MOGAT2: variants seen among roughly 807,000 people sequenced by gnomAD.
The protein encoded by MOGAT2 is 2-acylglycerol O-acyltransferase 2.
In MOGAT2, 27 loss-of-function variants were observed where a neutral mutation model predicts 31.5. The observed-to-expected ratio is 0.86, with a 90% CI of 0.63 to 1.18. The LOEUF is 1.18. MOGAT2 is among the 50% of genes most tolerant of loss of function. The probability of loss-of-function intolerance (pLI) is 0.00; values close to 1 mark genes in which losing one functional copy is unlikely to be tolerated. For missense variants in MOGAT2, 436 were observed against 433.2 expected, an observed-to-expected ratio of 1.01 and a Z score of -0.06; for synonymous variants, 163 against 170.0, an observed-to-expected ratio of 0.96 and a Z score of 0.32.
rs150876418 is a variant in MOGAT2 at position 75,720,379 on chromosome 11, G to A, written c.270+209G>A. Reference sequence around the variant, plus strand: ...CATGGTTTCGCATCTGCAGGGATGCGGGGCCAATATGTGGATTGATGGATG... The same window carrying A: ...CATGGTTTCGCATCTGCAGGGATGCAGGGCCAATATGTGGATTGATGGATG... On this transcript the variant is annotated intron_variant, in intron 2 of 5. Coordinates refer to ENST00000198801, the MANE Select transcript of MOGAT2 (RefSeq NM_025098.4). Among the ~76,000 whole-genome samples the A allele has an allele frequency of 3.5e-3, 540 of 152,280 alleles. 5 individuals carry two copies. Among genetic ancestry groups the A allele is most frequent in the South Asian group, 0.011 (51 of 4,824 alleles).
intron 2 of MOGAT2, among the ~76,000 whole-genome samples, chr11:75,721,723 C>T (rs74808804): frequency 0.022 from 3,376 of 152,268 alleles, 122 homozygotes; most frequent in African/African-American, 0.076. Flanking sequence ...TCCACACCTA[C>T]GTAACTTCTC....
chr11:75,727,922 G>A (rs755834169), intron 3 of MOGAT2, 48 bp from the exon 4 acceptor site: 3 of 1,524,488 alleles, frequency 2.0e-6, no homozygotes, highest in East Asian at 4.5e-5. Context: ...TACTTTCATA[G>A]CCCCTGCTCC....
chr11:75,728,144 G>A lies in MOGAT2; in HGVS notation c.650G>A (p.Gly217Glu), dbSNP rs1374170987. Reference protein sequence around the residue: ...KGFVRLALTHGAPLVPIFSFG... With the variant: ...KGFVRLALTHEAPLVPIFSFG... ...TTCGTCAGGCTCGCCCTGACACACG[G>A]GTATCAAGCCTCTGGGAAGAGCACT... The change falls in exon 4 of 6, where the codon GGG becomes GAG. Residue 217 changes from glycine to glutamate, a missense_variant and splice_region_variant. Gly to Glu is a moderately conservative substitution (Grantham distance 98, BLOSUM62 -2). Transcript: ENST00000198801. The A allele has an allele frequency of 6.2e-7, 1 of 1,612,476 alleles. No individual in the cohort carries two copies. Among genetic ancestry groups the A allele is most frequent in the Admixed American group, 1.7e-5 (1 of 59,714 alleles).
chr11:75,730,220 G>A (rs1944462965), intron 5 of MOGAT2, among the ~76,000 whole-genome samples: 1 of 152,190 alleles, frequency 6.6e-6, no homozygotes, highest in Non-Finnish European at 1.5e-5. Flanking sequence ...GAGGACAGAG[G>A]AACTGCCTTC....
intron 2 of MOGAT2, among the ~76,000 whole-genome samples, chr11:75,724,269 C>G (rs1944400667): frequency 6.6e-6 from 1 of 152,240 alleles, no homozygotes; most frequent in Non-Finnish European, 1.5e-5. Context: ...CAGAGCATCT[C>G]CTCTGTTCCA....
intron 2 of MOGAT2, among the ~76,000 whole-genome samples, chr11:75,725,956 C>T (rs1735275575): frequency 6.6e-6 from 1 of 152,204 alleles, no homozygotes; most frequent in South Asian, 2.1e-4. Flanking sequence ...AAGGGTGGCC[C>T]CCGCAGTTCC....
chr11:75,727,487 A>G lies in MOGAT2; in HGVS notation c.323A>G (p.His108Arg). The change falls in exon 3 of 6, where the codon CAC (histidine) becomes CGC (arginine). Residue 108 changes from histidine (H) to arginine (R), a missense_variant. His to Arg is a conservative substitution (Grantham distance 29). Coordinates refer to ENST00000198801, the MANE Select transcript of MOGAT2 (RefSeq NM_025098.4). ...DPSRNYIAGFHPHGVLAVGAF... is the reference protein window; with the variant it reads ...DPSRNYIAGFRPHGVLAVGAF... Reference sequence around the variant, plus strand: ...TCTCGGAACTACATTGCGGGCTTCCACCCCCATGGAGTCCTGGCAGTCGGA... The same window carrying G: ...TCTCGGAACTACATTGCGGGCTTCCGCCCCCATGGAGTCCTGGCAGTCGGA... 1 of 1,613,894 alleles carries G rather than the reference A, an allele frequency of 6.2e-7. No individual in the cohort carries two copies. The highest frequency in any genetic ancestry group is 8.5e-7 in the Non-Finnish European group (1 of 1,179,968).
Position 75,731,916 on chromosome 11 carries a change from C to G in MOGAT2, c.*630C>G, listed in dbSNP as rs1172059762. 1 of 152,446 alleles carries G rather than the reference C, an allele frequency of 6.6e-6. No individual in the cohort carries two copies. Among genetic ancestry groups the G allele is most frequent in the Admixed American group, 6.5e-5 (1 of 15,280 alleles). 9.4% of individuals were successfully genotyped at this position (152,446 alleles called of 1,614,324 possible). A position where few individuals can be genotyped will look rare whatever the true frequency, so the allele number is the denominator to read the frequency against. On this transcript the variant is annotated 3_prime_UTR_variant, in exon 6 of 6. Coordinates refer to ENST00000198801, the MANE Select transcript of MOGAT2 (RefSeq NM_025098.4). ...GTGTGTCCCGAGGATCCCAGCTCAG[C>G]TTTGCATCGCTGCCCTATCTCCCTC...
chr11:75,727,847 G>T (rs561101587), intron 3 of MOGAT2, 123 bp from the exon 4 acceptor site: 2 of 1,116,584 alleles, frequency 1.8e-6, no homozygotes, highest in Admixed American at 5.2e-5. Context: ...CTGGAATGGG[G>T]TGCAGTGGGG....
intron 2 of MOGAT2, among the ~76,000 whole-genome samples, chr11:75,722,489 G>T (rs773475052): frequency 5.3e-5 from 8 of 152,200 alleles, no homozygotes; most frequent in African/African-American, 1.7e-4. Flanking sequence ...AAGCTCACCG[G>T]GGGGGAAAGG....
rs543037592 is a variant in MOGAT2 at position 75,729,740 on chromosome 11, C to CTTTTTTT, written c.850+757_850+763dup. Among the ~76,000 whole-genome samples the CTTTTTTT allele has an allele frequency of 8.2e-5, 10 of 121,398 alleles. 1 individual carries two copies. The highest frequency in any genetic ancestry group is 1.0e-4 in the African/African-American group (3 of 29,946). The allele number at this position is 121,398 out of a possible 152,430, so 79.6% of individuals were successfully genotyped here. A position where few individuals can be genotyped will look rare whatever the true frequency, so the allele number is the denominator to read the frequency against. ...AATGCCAGAGAAGGAGGGTTTAATT[C>CTTTTTTT]TTTTTTTTTTTTGTTTTTTTTTGAG... On this transcript the variant is annotated intron_variant, in intron 5 of 5. Transcript: ENST00000198801.
Position 75,717,854 on chromosome 11 carries a change from C to T in MOGAT2, c.-35C>T. The T allele has an allele frequency of 6.2e-7, 1 of 1,606,598 alleles. No homozygotes were observed. Among genetic ancestry groups the T allele is most frequent in the Admixed American group, 1.7e-5 (1 of 59,776 alleles). ...GGGTGCCTCAGACCACAGCAGAGCT[C>T]ACAGAACCTGCGGGAGCCAGGCTGA... On this transcript the variant is annotated 5_prime_UTR_variant, in exon 1 of 6. Transcript: ENST00000198801.
At position 75,731,683 on chromosome 11, in the gene MOGAT2, A is replaced by G. The variant is rs1481480562; in HGVS notation, c.*397A>G. The G allele has an allele frequency of 1.2e-5, 2 of 163,010 alleles. No individual in the cohort carries two copies. Among genetic ancestry groups the G allele is most frequent in the Non-Finnish European group, 2.6e-5 (2 of 75,664 alleles). The allele number at this position is 163,010 out of a possible 1,614,324, so 10.1% of individuals were successfully genotyped here. On this transcript the variant is annotated 3_prime_UTR_variant, in exon 6 of 6. Coordinates refer to ENST00000198801, the MANE Select transcript of MOGAT2 (RefSeq NM_025098.4). The stretch of plus-strand genomic sequence containing the variant: ...GTCGAAGCAAGTCACAACCCAGCAG[A>G]TTCAAGGAGTAAGGAATAGGATCCC...
chr11:75,719,013 A>G (rs112844122), intron 1 of MOGAT2, among the ~76,000 whole-genome samples: 152 of 152,008 alleles, frequency 1.0e-3, no homozygotes, highest in African/African-American at 3.5e-3. Flanking sequence ...GTACTTCCTC[A>G]GAAACTCCCC....
rs1311887800 is a variant in MOGAT2, at chr11:75,732,352, C to G, written c.*1066C>G. 1 of 152,286 alleles carries G rather than the reference C, an allele frequency of 6.6e-6. No individual in the cohort carries two copies. The highest frequency in any genetic ancestry group is 2.4e-5 in the African/African-American group (1 of 41,448). The allele number at this position is 152,286 out of a possible 1,614,324, so 9.4% of individuals were successfully genotyped here. A position where few individuals can be genotyped will look rare whatever the true frequency, so the allele number is the denominator to read the frequency against. Reference sequence around the variant, plus strand: ...CTGCCAAGTTCCCCACTGCCTGAGCCCAACTAGAAGCTGGAGGGAAGGAGG... The same window carrying G: ...CTGCCAAGTTCCCCACTGCCTGAGCGCAACTAGAAGCTGGAGGGAAGGAGG... On this transcript the variant is annotated 3_prime_UTR_variant, in exon 6 of 6. Transcript: ENST00000198801.
At position 75,719,915 on chromosome 11, in the gene MOGAT2, G is replaced by T. The variant is rs990658974; in HGVS notation, c.92-77G>T. On this transcript the variant is annotated intron_variant, in intron 1 of 5. Transcript: ENST00000198801. ...AGTGCTGCTAGTGCCAGGCCTATGG[G>T]CAGAGTTCAGTCTGAGCAATCTCAC... 8 of 1,459,110 alleles carry T rather than the reference G, an allele frequency of 5.5e-6. No homozygotes were observed. In the African/African-American group the frequency reaches 1.1e-4, roughly 20 times the overall value. The allele number at this position is 1,459,110 out of a possible 1,614,324, so 90.4% of individuals were successfully genotyped here.
In MOGAT2 at chr11:75,731,132, T is replaced by G. The variant is rs1453467652; in HGVS notation, c.851T>G (p.Val284Gly). ...CACTGCACACCTCTATGCCTTGCAG[T>G]GGGGAAGCCCATCGAGGTACAGAAG... is the stretch of plus-strand genomic sequence containing the variant. ...IPYRRPITTV[V>G]GKPIEVQKTL... The change falls in exon 6 of 6, where the codon GTG becomes GGG. Residue 284 changes from valine to glycine, a missense_variant and splice_region_variant. Coordinates refer to ENST00000198801, the MANE Select transcript of MOGAT2 (RefSeq NM_025098.4). The G allele has an allele frequency of 1.9e-6, 3 of 1,613,444 alleles. No individual in the cohort carries two copies. Among genetic ancestry groups the G allele is most frequent in the African/African-American group, 1.3e-5 (1 of 74,800 alleles).
At chr11:75,729,284 G>A (rs1944452305) in intron 5 of MOGAT2, among the ~76,000 whole-genome samples, 1 of 152,310 alleles carries the variant, frequency 6.6e-6, no homozygotes, top group South Asian at 2.1e-4. Context: ...CTTCATGGCA[G>A]GATTTTTTTT....
At chr11:75,729,579 C>T (rs1944455829) in intron 5 of MOGAT2, among the ~76,000 whole-genome samples, 1 of 151,284 alleles carries the variant, frequency 6.6e-6, no homozygotes, top group Non-Finnish European at 1.5e-5. Context: ...CTGGCCATAC[C>T]TTCAAGACAG....
Sources: gnomAD v4.1 joint callset for allele counts (sites outside exome capture counted in the v4.1 genomes callset) on GRCh38, gnomAD v4.1.1 for gene constraint, MANE v1.5 for transcripts, NCBI Gene and HGNC (gene_info 2026-07-23, HGNC 2026-07-21) for gene names.